The following LEPR variants were observed in gnomAD, a reference collection of about 807,000 sequenced individuals.
LEPR encodes the protein OB receptor.
A neutral mutation model predicts 114.7 loss-of-function variants in LEPR; 56 were observed. The ratio of observed to expected loss-of-function variants is 0.49; its 90% confidence interval spans 0.39 to 0.61. The LOEUF is 0.61. Among genes scored for constraint, LEPR ranks in the 20% least tolerant of loss-of-function variants. The pLI, the probability that LEPR is intolerant of heterozygous loss-of-function variation, is 0.00. For synonymous variants in LEPR, 443 were observed against 461.4 expected, an observed-to-expected ratio of 0.96 and a Z score of 0.51; for missense variants, 1,202 against 1,352.9, an observed-to-expected ratio of 0.89 and a Z score of 1.75.
At position 65,434,056 on chromosome 1, in the gene LEPR, A is replaced by C. The variant is rs189785466; in HGVS notation, c.-21+8678A>C. 3.6e-4 allele frequency: 352 copies of C among 985,378 alleles called. 1 individual carries two copies. The highest frequency in any genetic ancestry group is 1.5e-3 in the Admixed American group (24 of 16,296). The allele number at this position is 985,378 out of a possible 1,614,324, so 61.0% of individuals were successfully genotyped here. A position where few individuals can be genotyped will look rare whatever the true frequency, so the allele number is the denominator to read the frequency against. ...TTTTTGTTGCTTATACACATTTTCAATAACCAAGGTAGCCTTCATATGTAG... is the reference window on the plus strand; with the variant it reads ...TTTTTGTTGCTTATACACATTTTCACTAACCAAGGTAGCCTTCATATGTAG... On this transcript the variant is annotated intron_variant, in intron 2 of 19. Transcript: ENST00000349533.
intron 14 of LEPR, among the ~76,000 whole-genome samples, chr1:65,614,440 C>A (rs1007645833): frequency 6.6e-6 from 1 of 152,136 alleles, no homozygotes; most frequent in African/African-American, 2.4e-5. Flanking sequence ...GGAGAAAAGG[C>A]CACTTTGGAA....
chr1:65,626,186 T>A, intron 19 of LEPR: 2 of 1,609,400 alleles, frequency 1.2e-6, no homozygotes, highest in Non-Finnish European at 1.7e-6. Flanking sequence ...GCTTGTAGAC[T>A]ACGTCCTACC....
rs563860023 is a variant in LEPR, at chr1:65,536,152, C to T, written c.-20-29394C>T. Among the ~76,000 whole-genome samples, 5 of 152,202 alleles carry T rather than the reference C, an allele frequency of 3.3e-5. 1 individual carries two copies. In the South Asian group the frequency reaches 6.2e-4, roughly 19 times the overall value. On this transcript the variant is annotated intron_variant, in intron 2 of 19. Coordinates refer to ENST00000349533, the MANE Select transcript of LEPR (RefSeq NM_002303.6). ...GGTGTTTAGGTCATGGAGCAGATCCCCAAAGAGTGGCTTGGTGACATCATC... is the reference window on the plus strand; with the variant it reads ...GGTGTTTAGGTCATGGAGCAGATCCTCAAAGAGTGGCTTGGTGACATCATC...
chr1:65,554,561 C>T (rs866988003), intron 2 of LEPR, among the ~76,000 whole-genome samples: 4 of 152,050 alleles, frequency 2.6e-5, no homozygotes, highest in Admixed American at 6.5e-5. Context: ...ACATTCCTTC[C>T]CCCACCAAGC....
intron 2 of LEPR, among the ~76,000 whole-genome samples, chr1:65,469,930 C>T (rs1458814922): frequency 2.6e-5 from 4 of 152,188 alleles, no homozygotes; most frequent in Non-Finnish European, 5.9e-5. Flanking sequence ...GCGCACAGCA[C>T]ACAGCATTGA....
At chr1:65,620,946 G>C (rs6690661) in intron 17 of LEPR, among the ~76,000 whole-genome samples, 11,279 of 152,142 alleles carry the variant, frequency 0.074, 969 homozygotes, top group South Asian at 0.21. Context: ...GATGCTTGGT[G>C]GTTCAAGAAA....
intron 2 of LEPR, among the ~76,000 whole-genome samples, chr1:65,460,866 AAAAC>A (rs1283488640): frequency 6.6e-6 from 1 of 152,074 alleles, no homozygotes; most frequent in Non-Finnish European, 1.5e-5. Context: ...AACAGAAACA[AAAAC>A]AAAACCTTTG....
intron 2 of LEPR, among the ~76,000 whole-genome samples, chr1:65,463,613 C>A (rs1570498721): frequency 6.6e-6 from 1 of 152,236 alleles, no homozygotes; most frequent in East Asian, 1.9e-4. Context: ...TTACCTTGGG[C>A]AGTATAGCCA....
intron 2 of LEPR, among the ~76,000 whole-genome samples, chr1:65,430,549 A>G (rs1646466313): frequency 1.3e-5 from 2 of 152,352 alleles, no homozygotes. Flanking sequence ...TCTTCAGAGT[A>G]CACATTGTAG....
chr1:65,537,090 C>T (rs1034457668), intron 2 of LEPR, among the ~76,000 whole-genome samples: 6 of 152,152 alleles, frequency 3.9e-5, no homozygotes, highest in African/African-American at 1.4e-4. Context: ...AACAATGATG[C>T]TGATGCCAGA....
intron 8 of LEPR, among the ~76,000 whole-genome samples, chr1:65,600,455 A>C (rs1340263906): frequency 6.6e-6 from 1 of 152,220 alleles, no homozygotes; most frequent in Non-Finnish European, 1.5e-5. Context: ...AGAAAACTTA[A>C]TAAAAACCAA....
intron 2 of LEPR, chr1:65,431,759 T>C: frequency 6.3e-7 from 1 of 1,592,292 alleles, no homozygotes; most frequent in East Asian, 2.2e-5. Context: ...AAGAGTACAA[T>C]ATGAAGGAAG....
intron 2 of LEPR, among the ~76,000 whole-genome samples, chr1:65,488,338 C>CT (rs148665719): frequency 0.23 from 30,306 of 129,172 alleles, 5,123 homozygotes; most frequent in African/African-American, 0.48. Context: ...TCTTCTTCTT[C>CT]TTTTTTTTAA....
chr1:65,431,850 T>C (rs780597451), intron 2 of LEPR: 1 of 1,614,176 alleles, frequency 6.2e-7, no homozygotes, highest in South Asian at 1.1e-5. Flanking sequence ...ATGCAGTCAT[T>C]TTCCTTACAA....
intron 2 of LEPR, among the ~76,000 whole-genome samples, chr1:65,521,945 C>T (rs990209105): frequency 6.6e-6 from 1 of 152,180 alleles, no homozygotes; most frequent in Admixed American, 6.6e-5. Context: ...ACTAAAAATA[C>T]AAAAATTACG....
At chr1:65,456,155 C>G (rs989201178) in intron 2 of LEPR, among the ~76,000 whole-genome samples, 1 of 152,052 alleles carries the variant, frequency 6.6e-6, no homozygotes, top group Non-Finnish European at 1.5e-5. Flanking sequence ...GCACGGTGCG[C>G]GCACCCATTG....
At chr1:65,430,095 T>C in intron 2 of LEPR, 1 of 1,464,650 alleles carries the variant, frequency 6.8e-7, no homozygotes. Flanking sequence ...CTGAGTTTAC[T>C]TCAGAGGCCT....
intron 2 of LEPR, among the ~76,000 whole-genome samples, chr1:65,475,006 CAAA>C (rs1325552861): frequency 0.01 from 249 of 23,842 alleles, no homozygotes; most frequent in African/African-American, 0.034. Context: ...GACTCCATCT[CAAA>C]AAAAAAAAAA....
rs937674224 is a variant in LEPR at position 65,616,208 on chromosome 1, A to G, written c.2196A>G (p.Ser732=). Reference sequence around the variant, plus strand: ...TTGCAAATTTTAATTTAACCTTTTCATGGCCTATGAGCAAAGGTAAGAAGA... The same window carrying G: ...TTGCAAATTTTAATTTAACCTTTTCGTGGCCTATGAGCAAAGGTAAGAAGA... ...ASVANFNLTF[S]WPMSKVNIVQ... Residue 732 remains serine, a synonymous_variant, in exon 15 of 20, where the codon TCA becomes TCG. Coordinates refer to ENST00000349533, the MANE Select transcript of LEPR (RefSeq NM_002303.6). The G allele has an allele frequency of 3.7e-6, 6 of 1,613,828 alleles. No individual in the cohort carries two copies. Among genetic ancestry groups the G allele is most frequent in the Middle Eastern group, 1.6e-4 (1 of 6,084 alleles).
Sources: allele counts gnomAD v4.1 joint callset (sites outside exome capture counted in the v4.1 genomes callset), GRCh38; gene constraint gnomAD v4.1.1; transcripts MANE v1.5; gene names NCBI Gene and HGNC (gene_info 2026-07-23, HGNC 2026-07-21).